SLC16A14: variants seen among roughly 807,000 people sequenced by gnomAD.
The protein encoded by SLC16A14 is solute carrier family 16 member 14, also known as monocarboxylate transporter 14.
SLC16A14 carries 14 observed loss-of-function variants against 35.8 expected under a neutral mutation model. The ratio of observed to expected loss-of-function variants is 0.39; its 90% CI spans 0.26 to 0.61. The LOEUF (loss-of-function observed/expected upper bound fraction) is 0.61. SLC16A14 is among the 20% of genes least tolerant of loss of function. The pLI is 0.51. For missense variants in SLC16A14, 533 were observed against 655.0 expected (o/e 0.81, Z 2.03); for synonymous variants, 248 against 258.9 (o/e 0.96, Z 0.40).
intron 4 of SLC16A14, among the ~76,000 whole-genome samples, chr2:230,040,306 C>T (rs530380767): frequency 6.6e-6 from 1 of 152,198 alleles, no homozygotes; most frequent in Admixed American, 6.5e-5. Flanking sequence ...GCAGCCTCCA[C>T]TCCCCCGGGT....
At position 230,048,934 on chromosome 2, in the gene SLC16A14, A is replaced by AAAAC. The variant is rs1213083454; in HGVS notation, c.403+826_403+827insGTTT. On this transcript the variant is annotated intron_variant, in intron 3 of 4. Coordinates refer to ENST00000295190, the MANE Select transcript of SLC16A14 (RefSeq NM_152527.5). ...GTGAAACTCCATCTCAAAAAAAAAA[A>AAAAC]AAAAAAAAAAACAAATGATTATTAA... Among the ~76,000 whole-genome samples, 562 of 137,088 alleles carry AAAAC rather than the reference A, an allele frequency of 4.1e-3. 15 individuals are homozygous for AAAAC. The highest frequency in any genetic ancestry group is 8.2e-3 in the Admixed American group (103 of 12,570). 89.9% of individuals were successfully genotyped at this position (137,088 alleles called of 152,430 possible). A position where few individuals can be genotyped will look rare whatever the true frequency, so the allele number is the denominator to read the frequency against.
At chr2:230,045,406 A>G (rs558617419) in intron 4 of SLC16A14, among the ~76,000 whole-genome samples, 1 of 152,150 alleles carries the variant, frequency 6.6e-6, no homozygotes, top group Non-Finnish European at 1.5e-5. Context: ...CAAAAACATA[A>G]AAAATTAGCC....
intron 3 of SLC16A14, among the ~76,000 whole-genome samples, chr2:230,049,534 C>T (rs1005335071): frequency 4.6e-5 from 7 of 152,152 alleles, no homozygotes; most frequent in Non-Finnish European, 1.0e-4. Flanking sequence ...ATTTGATTCT[C>T]TTAGGCAGGC....
intron 1 of SLC16A14, among the ~76,000 whole-genome samples, chr2:230,060,180 C>A (rs1365229957): frequency 6.6e-6 from 1 of 152,150 alleles, no homozygotes; most frequent in African/African-American, 2.4e-5. Context: ...GGAGCTAGAT[C>A]ATGCAAGGCC....
chr2:230,044,710 GTGTGTGTGTGTGTGTGTGTGTGTGTGTA>G (rs1405740312), intron 4 of SLC16A14, among the ~76,000 whole-genome samples: 8 of 100,884 alleles, frequency 7.9e-5, no homozygotes, highest in Admixed American at 2.1e-4. Context: ...GTATTTGTGT[GTGTGTGTGTGTGTGTGTGTGTGTGTGTA>G]TGTGTGTGTG....
chr2:230,064,737 G>T (rs748680118), intron 1 of SLC16A14, among the ~76,000 whole-genome samples: 4 of 152,170 alleles, frequency 2.6e-5, no homozygotes, highest in Non-Finnish European at 4.4e-5. Context: ...TAGGCCGGGC[G>T]TGGTGGCTTA....
intron 1 of SLC16A14, among the ~76,000 whole-genome samples, chr2:230,065,794 TATATAAG>T (rs1207162437): frequency 1.3e-5 from 2 of 152,020 alleles, no homozygotes; most frequent in Non-Finnish European, 2.9e-5. Flanking sequence ...TATATGTATT[TATATAAG>T]ATATAAGAAT....
chr2:230,051,121 C>A (rs2077656584), intron 2 of SLC16A14, among the ~76,000 whole-genome samples: 1 of 152,150 alleles, frequency 6.6e-6, no homozygotes, highest in African/African-American at 2.4e-5. Flanking sequence ...GAGACGCATT[C>A]TGATTGTTTC....
intron 2 of SLC16A14, among the ~76,000 whole-genome samples, chr2:230,053,378 C>G (rs892620608): frequency 7.9e-5 from 12 of 152,190 alleles, no homozygotes; most frequent in African/African-American, 2.9e-4. Flanking sequence ...ATCCTTTGAC[C>G]ATGACTCACA....
intron 2 of SLC16A14, among the ~76,000 whole-genome samples, chr2:230,056,879 TAAAAAAAA>T (rs60620443): frequency 3.1e-5 from 3 of 95,498 alleles, no homozygotes; most frequent in Middle Eastern, 5.2e-3. Flanking sequence ...CTACAAAAAG[TAAAAAAAA>T]AAAAAAAAAA....
chr2:230,065,998 T>C (rs1199071957), intron 1 of SLC16A14, among the ~76,000 whole-genome samples: 1 of 152,090 alleles, frequency 6.6e-6, no homozygotes, highest in Non-Finnish European at 1.5e-5. Flanking sequence ...GTGGGGCTTC[T>C]GCTAAGGATT....
intron 2 of SLC16A14, among the ~76,000 whole-genome samples, chr2:230,055,234 A>G (rs965057068): frequency 6.6e-6 from 1 of 151,840 alleles, no homozygotes; most frequent in Non-Finnish European, 1.5e-5. Context: ...GATCATGTAC[A>G]TTAACGTGCA....
At chr2:230,050,331 C>T (rs1000763038) in intron 2 of SLC16A14, among the ~76,000 whole-genome samples, 4 of 152,228 alleles carry the variant, frequency 2.6e-5, no homozygotes, top group African/African-American at 9.6e-5. Context: ...TTAGTTGGAG[C>T]TGTGCAGTGG....
At chr2:230,040,767 T>C (rs116285671) in intron 4 of SLC16A14, among the ~76,000 whole-genome samples, 45 of 152,324 alleles carry the variant, frequency 3.0e-4, no homozygotes, top group Non-Finnish European at 5.7e-4. Context: ...TATTTATAAA[T>C]AACTCTGGAT....
chr2:230,037,316 C>T lies in SLC16A14; in HGVS notation c.*64G>A. On this transcript the variant is annotated 3_prime_UTR_variant, in exon 5 of 5. Transcript: ENST00000295190. ...TTCCCACGTCCTGTCATAGGTGCCT[C>T]ACAGCAACCATGCGAGGTAGGCATG... 1.4e-6 allele frequency: 2 copies of T among 1,466,686 alleles called. No homozygotes were observed. Among genetic ancestry groups the T allele is most frequent in the Non-Finnish European group, 1.8e-6 (2 of 1,102,014 alleles). The allele number at this position is 1,466,686 out of a possible 1,614,324, so 90.9% of individuals were successfully genotyped here.
At position 230,038,045 on chromosome 2, in the gene SLC16A14, A is replaced by G. The variant is rs1300943202; in HGVS notation, c.1382-514T>C. ...CATTCTGAAGTATTTGAGGGTACACATTTGTTCTAGAAAGAATCAAAATCT... is the reference window on the plus strand; with the variant it reads ...CATTCTGAAGTATTTGAGGGTACACGTTTGTTCTAGAAAGAATCAAAATCT... On this transcript the variant is annotated intron_variant, in intron 4 of 4. Transcript: ENST00000295190. This position sits in a 1 kb window ranked among gnomAD's most constrained non-coding sequence, Gnocchi z 4.4. Among the ~76,000 whole-genome samples the G allele has an allele frequency of 6.6e-6, 1 of 152,246 alleles. No homozygotes were observed. Among genetic ancestry groups the G allele is most frequent in the Non-Finnish European group, 1.5e-5 (1 of 68,040 alleles).
chr2:230,049,936 A>G (rs1269389686), intron 2 of SLC16A14, 32 bp from the exon 3 acceptor site: 1 of 1,602,048 alleles, frequency 6.2e-7, no homozygotes, highest in Non-Finnish European at 8.5e-7. Flanking sequence ...GGAATTGACT[A>G]AAGGTGCTTC....
At chr2:230,055,469 T>C (rs1434759112) in intron 2 of SLC16A14, among the ~76,000 whole-genome samples, 1 of 152,198 alleles carries the variant, frequency 6.6e-6, no homozygotes, top group African/African-American at 2.4e-5. Context: ...GCAAAAAATG[T>C]TTATCTGGCA....
chr2:230,052,420 G>A lies in SLC16A14; in HGVS notation c.260-2516C>T, dbSNP rs186886296. On this transcript the variant is annotated intron_variant, in intron 2 of 4. Transcript: ENST00000295190. ...TTTATTTTTGTTTTTCTAAACCCAT[G>A]GTTACTTGACTATGCCTAGCTTGGA... is the stretch of plus-strand genomic sequence containing the variant. 2.0e-5 allele frequency among the ~76,000 whole-genome samples: 3 copies of A among 152,128 alleles called. No individual in the cohort carries two copies. The East Asian group carries it at 5.8e-4, about 29-fold the overall frequency.
Sources: gnomAD v4.1 joint callset for allele counts (sites outside exome capture counted in the v4.1 genomes callset) on GRCh38, gnomAD v4.1.1 for gene constraint, Gnocchi (gnomAD v3.1) non-coding constraint, MANE v1.5 for transcripts, NCBI Gene and HGNC (gene_info 2026-07-23, HGNC 2026-07-21) for gene names.